SYTL1: variants seen among roughly 807,000 people sequenced by gnomAD.
The protein encoded by SYTL1 is synaptotagmin-like protein 1.
Under a neutral mutation model 74.6 loss-of-function variants are expected in SYTL1, and 53 were observed. The ratio of observed to expected loss-of-function variants is 0.71; its 90% CI spans 0.57 to 0.89. SYTL1 has a LOEUF of 0.89. SYTL1 is among the 40% of genes least tolerant of loss of function. SYTL1 has a pLI of 0.00. For missense variants in SYTL1, 728 were observed against 768.7 expected, an observed-to-expected ratio of 0.95 and a Z score of 0.63; for synonymous variants, 329 against 324.9, an observed-to-expected ratio of 1.01 and a Z score of -0.14.
chr1:27,344,547 T>A (rs1196808671), intron 1 of SYTL1, among the ~76,000 whole-genome samples: 1 of 146,256 alleles, frequency 6.8e-6, no homozygotes, highest in East Asian at 2.3e-4. Context: ...GGCCACTGTG[T>A]GCAGATTTAA....
chr1:27,351,252 T>C lies in SYTL1; in HGVS notation c.1165-6T>C. 6.4e-7 allele frequency: 1 copy of C among 1,555,366 alleles called. No individual in the cohort carries two copies. The highest frequency in any genetic ancestry group is 8.7e-7 in the Non-Finnish European group (1 of 1,150,726). ...CCCTGCTCCACGATAAGCCCGCCTC[T>C]CGCAGGTCCCACCCTCTCCCGACGA... On this transcript the variant is annotated splice_polypyrimidine_tract_variant and splice_region_variant and intron_variant, in intron 11 of 14. Coordinates refer to ENST00000616558, the MANE Select transcript of SYTL1 (RefSeq NM_001193308.2). This position sits in a 1 kb window ranked among gnomAD's most constrained non-coding sequence, Gnocchi z 5.0.
Position 27,349,672 on chromosome 1 carries a change from C to A in SYTL1, c.654C>A (p.Ile218=). The A allele has an allele frequency of 6.2e-7, 1 of 1,610,682 alleles. No individual in the cohort carries two copies. The highest frequency in any genetic ancestry group is 8.5e-7 in the Non-Finnish European group (1 of 1,179,000). Residue 218 remains isoleucine (I), a synonymous_variant, in exon 8 of 15, where the codon ATC becomes ATA. Transcript: ENST00000616558. ...QQAQTKAASQ[I]LENGEEAPGP... ...TGCAGACCAAGGCCGCGTCCCAGAT[C>A]CTGGAGAATGGGGAGGAGGCCCCGG... is the stretch of plus-strand genomic sequence containing the variant.
rs761752037 is a variant in SYTL1, at chr1:27,351,314, G to A, written c.1221G>A (p.Lys407=). ...PSRGLLALSL[K]YVPAGSEGAG... ...GCGGGTTACTCGCCCTGTCCCTCAAGTACGTCCCCGCCGGCTCCGAGGGTG... is the reference window on the plus strand; with the variant it reads ...GCGGGTTACTCGCCCTGTCCCTCAAATACGTCCCCGCCGGCTCCGAGGGTG... The change falls in exon 12 of 15, where the codon AAG becomes AAA. Residue 407 remains lysine, a synonymous_variant. Transcript: ENST00000616558. The surrounding 1 kb of genome is among the most constrained non-coding windows in gnomAD (Gnocchi z 5.0). 6.4e-7 allele frequency: 1 copy of A among 1,559,596 alleles called. No homozygotes were observed. The highest frequency in any genetic ancestry group is 8.7e-7 in the Non-Finnish European group (1 of 1,152,102).
At position 27,350,677 on chromosome 1, in the gene SYTL1, G is replaced by A; in HGVS notation, c.1006-117G>A. 6.0e-6 allele frequency: 8 copies of A among 1,325,776 alleles called. 1 individual carries two copies. In the Admixed American group the frequency reaches 1.4e-4, roughly 23 times the overall value. The allele number at this position is 1,325,776 out of a possible 1,614,324, so 82.1% of individuals were successfully genotyped here. The stretch of plus-strand genomic sequence containing the variant: ...GTGCAGGTCCCCATTAATGCCCTTA[G>A]GGGCTCCCCAGAATTCCATCATGGT... On this transcript the variant is annotated intron_variant, in intron 10 of 14. Transcript: ENST00000616558. This position sits in a 1 kb window ranked among gnomAD's most constrained non-coding sequence, Gnocchi z 6.3.
chr1:27,352,833 T>G (rs990025773), intron 13 of SYTL1: 1 of 171,876 alleles, frequency 5.8e-6, no homozygotes, highest in Non-Finnish European at 1.3e-5. Flanking sequence ...TTGCCTAGGC[T>G]GGAGTGCAGT....
chr1:27,351,041 G>A lies in SYTL1; in HGVS notation c.1164+89G>A, dbSNP rs548548014. On this transcript the variant is annotated intron_variant, in intron 11 of 14. Coordinates refer to ENST00000616558, the MANE Select transcript of SYTL1 (RefSeq NM_001193308.2). This position sits in a 1 kb window ranked among gnomAD's most constrained non-coding sequence, Gnocchi z 5.0. ...CTCTCCCGCAGCCCCCTCACACCCC[G>A]CCTTCGACAGAACCTCCCCTCAACC... The A allele has an allele frequency of 1.7e-4, 254 of 1,479,996 alleles. 1 individual carries two copies. Among genetic ancestry groups the A allele is most frequent in the Non-Finnish European group, 2.2e-4 (237 of 1,088,090 alleles). The allele number at this position is 1,479,996 out of a possible 1,614,324, so 91.7% of individuals were successfully genotyped here.
rs1243982985 is a variant in SYTL1 at position 27,347,591 on chromosome 1, A to T, written c.340+22A>T. 40 of 1,611,900 alleles carry T rather than the reference A, an allele frequency of 2.5e-5. No individual in the cohort carries two copies. The highest frequency in any genetic ancestry group is 3.3e-5 in the Non-Finnish European group (39 of 1,179,026). On this transcript the variant is annotated intron_variant, in intron 3 of 14. Transcript: ENST00000616558. This position sits in a 1 kb window ranked among gnomAD's most constrained non-coding sequence, Gnocchi z 4.9. ...AGGGGTGAGAGGAGATCCTCGGGGCAGGGCAAGCCATGTGCCGTCCAGGGC... is the reference window on the plus strand; with the variant it reads ...AGGGGTGAGAGGAGATCCTCGGGGCTGGGCAAGCCATGTGCCGTCCAGGGC...
rs2015212418 is a variant in SYTL1 at position 27,350,362 on chromosome 1, C to T, written c.909-27C>T. The T allele has an allele frequency of 2.5e-6, 4 of 1,603,166 alleles. No individual in the cohort carries two copies. Among genetic ancestry groups the T allele is most frequent in the African/African-American group, 1.3e-5 (1 of 74,762 alleles). ...GGGAGAAGGCTCTGGGAGGGCCCCT[C>T]CTCACCTCGGGTTCTCACCTCCCCA... is the stretch of plus-strand genomic sequence containing the variant. On this transcript the variant is annotated intron_variant, in intron 9 of 14. Transcript: ENST00000616558. This position sits in a 1 kb window ranked among gnomAD's most constrained non-coding sequence, Gnocchi z 6.3.
chr1:27,350,148 G>A lies in SYTL1; in HGVS notation c.908+16G>A. 1.1e-5 allele frequency: 16 copies of A among 1,400,638 alleles called. No individual in the cohort carries two copies. The highest frequency in any genetic ancestry group is 3.6e-5 in the Admixed American group (1 of 28,160). 86.8% of individuals were successfully genotyped at this position (1,400,638 alleles called of 1,614,324 possible). A position where few individuals can be genotyped will look rare whatever the true frequency, so the allele number is the denominator to read the frequency against. On this transcript the variant is annotated intron_variant, in intron 9 of 14. Coordinates refer to ENST00000616558, the MANE Select transcript of SYTL1 (RefSeq NM_001193308.2). This position sits in a 1 kb window ranked among gnomAD's most constrained non-coding sequence, Gnocchi z 6.3. ...GCTCGGACCCGTGAGTGCCCCGCCG[G>A]CCAAGCGGGGCGCGGCTGTCACAGC...
rs1302129598 is a variant in SYTL1 at position 27,343,271 on chromosome 1, T to C, written c.-39+1121T>C. 1 of 152,748 alleles carries C rather than the reference T, an allele frequency of 6.5e-6. No individual in the cohort carries two copies. Among genetic ancestry groups the C allele is most frequent in the African/African-American group, 2.4e-5 (1 of 41,456 alleles). The allele number at this position is 152,748 out of a possible 1,614,324, so 9.5% of individuals were successfully genotyped here. ...AAATGCTTTCTTTCCGGAGTCACTGTGGTACCTGAGCATGGGCTGCTGCGC... is the reference window on the plus strand; with the variant it reads ...AAATGCTTTCTTTCCGGAGTCACTGCGGTACCTGAGCATGGGCTGCTGCGC... On this transcript the variant is annotated intron_variant, in intron 1 of 14. Coordinates refer to ENST00000616558, the MANE Select transcript of SYTL1 (RefSeq NM_001193308.2). This position sits in a 1 kb window ranked among gnomAD's most constrained non-coding sequence, Gnocchi z 5.2.
rs530202348 is a variant in SYTL1, at chr1:27,348,230, T to TTA, written c.459+218_459+219insTA. Among the ~76,000 whole-genome samples, 111 of 151,568 alleles carry TTA rather than the reference T, an allele frequency of 7.3e-4. No homozygotes were observed. Among genetic ancestry groups the TTA allele is most frequent in the Middle Eastern group, 3.4e-3 (1 of 292 alleles). The stretch of plus-strand genomic sequence containing the variant: ...GTGGTGAACGGTGGTGAACAGTGAG[T>TTA]GGTATATGGACCCAGCCTCTAAGGG... On this transcript the variant is annotated intron_variant, in intron 5 of 14. Coordinates refer to ENST00000616558, the MANE Select transcript of SYTL1 (RefSeq NM_001193308.2). This position sits in a 1 kb window ranked among gnomAD's most constrained non-coding sequence, Gnocchi z 4.1.
chr1:27,345,729 G>A lies in SYTL1; in HGVS notation c.191+204G>A, dbSNP rs1205201882. Among the ~76,000 whole-genome samples, 2 of 151,746 alleles carry A rather than the reference G, an allele frequency of 1.3e-5. No individual in the cohort carries two copies. The highest frequency in any genetic ancestry group is 4.8e-5 in the African/African-American group (2 of 41,332). On this transcript the variant is annotated intron_variant, in intron 2 of 14. Transcript: ENST00000616558. This position sits in a 1 kb window ranked among gnomAD's most constrained non-coding sequence, Gnocchi z 6.0. ...TTCTCGCCAGCCTCCCTGCCTCCAG[G>A]CTTGCCTCTTGGGCCCACCTCCTGC...
At position 27,347,579 on chromosome 1, in the gene SYTL1, G is replaced by A; in HGVS notation, c.340+10G>A. 6.2e-7 allele frequency: 1 copy of A among 1,613,384 alleles called. No individual in the cohort carries two copies. The highest frequency in any genetic ancestry group is 8.5e-7 in the Non-Finnish European group (1 of 1,179,722). ...AAGAAGAGCACCAGGGGTGAGAGGA[G>A]ATCCTCGGGGCAGGGCAAGCCATGT... On this transcript the variant is annotated intron_variant, in intron 3 of 14. Transcript: ENST00000616558. This position sits in a 1 kb window ranked among gnomAD's most constrained non-coding sequence, Gnocchi z 4.9.
chr1:27,350,323 G>A lies in SYTL1; in HGVS notation c.909-66G>A, dbSNP rs777941909. The A allele has an allele frequency of 1.3e-5, 20 of 1,525,228 alleles. No homozygotes were observed. The highest frequency in any genetic ancestry group is 1.7e-5 in the Non-Finnish European group (19 of 1,099,012). 94.5% of individuals were successfully genotyped at this position (1,525,228 alleles called of 1,614,324 possible). On this transcript the variant is annotated intron_variant, in intron 9 of 14. Coordinates refer to ENST00000616558, the MANE Select transcript of SYTL1 (RefSeq NM_001193308.2). The surrounding 1 kb of genome is among the most constrained non-coding windows in gnomAD (Gnocchi z 6.3). ...CACGTGTTCGGGATGGTGGCTGGGGGAGCCCACAGGCAGGGGAGAAGGCTC... is the reference window on the plus strand; with the variant it reads ...CACGTGTTCGGGATGGTGGCTGGGGAAGCCCACAGGCAGGGGAGAAGGCTC...
chr1:27,349,301 T>G, intron 6 of SYTL1, 97 bp from the exon 7 acceptor site: 1 of 1,457,796 alleles, frequency 6.9e-7, no homozygotes, highest in Non-Finnish European at 9.1e-7. Context: ...CACCGGGGCC[T>G]GAATCTGCAG....
chr1:27,349,806 A>G, intron 8 of SYTL1, 41 bp downstream of exon 8: 6 of 1,555,968 alleles, frequency 3.9e-6, no homozygotes, highest in African/African-American at 1.4e-5. Context: ...CGGGGGGTGG[A>G]CCCGTTCCGA....
rs780290978 is a variant in SYTL1 at position 27,347,541 on chromosome 1, G to A, written c.312G>A (p.Ala104=). The A allele has an allele frequency of 9.1e-5, 147 of 1,614,084 alleles. No homozygotes were observed. The highest frequency in any genetic ancestry group is 1.6e-4 in the East Asian group (7 of 44,888). Residue 104 remains alanine (A), a synonymous_variant, in exon 3 of 15, where the codon GCG becomes GCA. Coordinates refer to ENST00000616558, the MANE Select transcript of SYTL1 (RefSeq NM_001193308.2). The surrounding 1 kb of genome is among the most constrained non-coding windows in gnomAD (Gnocchi z 4.9). ...ACTTCGGCTCTGACCTTGTCCGAGCGTCTATGCGCAGGAAGAAGAGCACCA... is the reference window on the plus strand; with the variant it reads ...ACTTCGGCTCTGACCTTGTCCGAGCATCTATGCGCAGGAAGAAGAGCACCA... ...NAHFGSDLVR[A]SMRRKKSTRG... is the part of the protein sequence containing the mutation.
rs766642784 is a variant in SYTL1, at chr1:27,353,406, G to A, written c.1467G>A (p.Gln489=). ...YDGFGPADLR[Q]ACAELSLWDH... is the part of the protein sequence containing the mutation. The stretch of plus-strand genomic sequence containing the variant: ...GCTTTGGGCCTGCTGACCTGCGCCA[G>A]GCTTGTGCCGAGCTCTCCCTCTGGG... Residue 489 remains glutamine, a synonymous_variant, in exon 14 of 15, where the codon CAG becomes CAA. Coordinates refer to ENST00000616558, the MANE Select transcript of SYTL1 (RefSeq NM_001193308.2). 5 of 1,611,328 alleles carry A rather than the reference G, an allele frequency of 3.1e-6. No homozygotes were observed. The East Asian group carries it at 6.7e-5, about 22-fold the overall frequency.
Position 27,351,382 on chromosome 1 carries a change from G to C in SYTL1, c.1243+46G>C, listed in dbSNP as rs766990725. The C allele has an allele frequency of 7.9e-6, 12 of 1,513,316 alleles. No individual in the cohort carries two copies. The highest frequency in any genetic ancestry group is 8.0e-6 in the Non-Finnish European group (9 of 1,126,436). The allele number at this position is 1,513,316 out of a possible 1,614,324, so 93.7% of individuals were successfully genotyped here. A position where few individuals can be genotyped will look rare whatever the true frequency, so the allele number is the denominator to read the frequency against. Reference sequence around the variant, plus strand: ...CCAAGCTGGACACGCCCTGAAAAGCGGGAGACTCCAGTCCCCGGGTTTGGG... The same window carrying C: ...CCAAGCTGGACACGCCCTGAAAAGCCGGAGACTCCAGTCCCCGGGTTTGGG... On this transcript the variant is annotated intron_variant, in intron 12 of 14. Transcript: ENST00000616558. The surrounding 1 kb of genome is among the most constrained non-coding windows in gnomAD (Gnocchi z 5.0).
Sources: allele counts gnomAD v4.1 joint callset (sites outside exome capture counted in the v4.1 genomes callset), GRCh38; gene constraint gnomAD v4.1.1; non-coding constraint Gnocchi (gnomAD v3.1); transcripts MANE v1.5; gene names NCBI Gene and HGNC (gene_info 2026-07-23, HGNC 2026-07-21).